The following NXPE2 variants were observed in gnomAD, a reference collection of about 807,000 sequenced individuals.
NXPE2 encodes NXPE family member 2.
NXPE2 carries 34 observed loss-of-function variants against 34.4 expected under a neutral mutation model. The ratio of observed to expected loss-of-function variants is 0.99; its 90% confidence interval spans 0.75 to 1.31. NXPE2 has a LOEUF of 1.31. Ranked by LOEUF, NXPE2 falls within the 40% of genes most tolerant of loss-of-function variation. NXPE2 has a pLI of 0.00. For synonymous variants in NXPE2, 235 were observed against 231.3 expected, an observed-to-expected ratio of 1.02 and a Z score of -0.15; for missense variants, 649 against 672.5, an observed-to-expected ratio of 0.97 and a Z score of 0.39.
At chr11:114,526,253 G>A in the NXPE2 span, among the ~76,000 whole-genome samples, 1 of 152,116 alleles carries the variant, frequency 6.6e-6, no homozygotes, top group African/African-American at 2.4e-5. Flanking sequence ...GACCAGCATT[G>A]GACATCTGGA....
the NXPE2 span, among the ~76,000 whole-genome samples, chr11:114,788,776 TTG>T: frequency 2.0e-5 from 3 of 152,232 alleles, no homozygotes; most frequent in Non-Finnish European, 4.4e-5. Context: ...TCACCCCTTC[TTG>T]TGTTTCCATA....
At chr11:114,747,232 A>T in the NXPE2 span, among the ~76,000 whole-genome samples, 1 of 152,118 alleles carries the variant, frequency 6.6e-6, no homozygotes, top group Admixed American at 6.6e-5. Context: ...CTTAATTTTT[A>T]TGTTCAATTA....
At chr11:114,775,627 G>A in the NXPE2 span, among the ~76,000 whole-genome samples, 1 of 152,250 alleles carries the variant, frequency 6.6e-6, no homozygotes, top group African/African-American at 2.4e-5. Flanking sequence ...GAATGAGTGA[G>A]TGAACGCAAG....
chr11:114,614,152 A>T, the NXPE2 span, among the ~76,000 whole-genome samples: 2 of 146,940 alleles, frequency 1.4e-5, no homozygotes, highest in African/African-American at 5.1e-5. Flanking sequence ...GTGCTGCCTC[A>T]TGGGTACCAA....
chr11:114,600,109 TA>T, the NXPE2 span, among the ~76,000 whole-genome samples: 1 of 152,150 alleles, frequency 6.6e-6, no homozygotes, highest in Non-Finnish European at 1.5e-5. Context: ...TAATGAATAC[TA>T]AAATCAGTGA....
the NXPE2 span, among the ~76,000 whole-genome samples, chr11:114,752,204 C>T: frequency 2.6e-5 from 4 of 152,192 alleles, no homozygotes; most frequent in Admixed American, 2.6e-4. Context: ...TATGAAGCCC[C>T]TGAGACAGGA....
At chr11:114,782,282 G>A in the NXPE2 span, among the ~76,000 whole-genome samples, 3 of 152,162 alleles carry the variant, frequency 2.0e-5, no homozygotes, top group Admixed American at 1.3e-4. Flanking sequence ...AGGCAGCTAG[G>A]CCCAAGGCCT....
the NXPE2 span, among the ~76,000 whole-genome samples, chr11:114,473,640 C>T: frequency 6.6e-6 from 1 of 152,170 alleles, no homozygotes; most frequent in Non-Finnish European, 1.5e-5. Context: ...TATACATTTA[C>T]TTACTGAATT....
the NXPE2 span, among the ~76,000 whole-genome samples, chr11:114,538,088 C>A: frequency 1.0e-3 from 159 of 152,206 alleles, 2 homozygotes; most frequent in East Asian, 0.029. Context: ...GAGATGTAGA[C>A]CAATGGAACA....
chr11:114,533,078 C>A, the NXPE2 span, among the ~76,000 whole-genome samples: 4 of 152,050 alleles, frequency 2.6e-5, no homozygotes, highest in East Asian at 5.8e-4. Context: ...CGTTAGAAGT[C>A]CTGAACAATA....
chr11:114,704,526 TG>T (rs1246798063), intron 4 of NXPE2, among the ~76,000 whole-genome samples: 2 of 152,228 alleles, frequency 1.3e-5, no homozygotes, highest in Non-Finnish European at 2.9e-5. Context: ...TGAACTTTAG[TG>T]GTCAACACAA....
chr11:114,722,142 C>A, the NXPE2 span, among the ~76,000 whole-genome samples: 2 of 152,102 alleles, frequency 1.3e-5, no homozygotes, highest in African/African-American at 4.8e-5. Context: ...CTCTGTGTCC[C>A]CACCCATATC....
At chr11:114,464,778 C>G in the NXPE2 span, among the ~76,000 whole-genome samples, 1 of 151,856 alleles carries the variant, frequency 6.6e-6, no homozygotes, top group Non-Finnish European at 1.5e-5. Context: ...AAGTCACAAA[C>G]TAGGCGAAGA....
At chr11:114,589,486 G>A in the NXPE2 span, among the ~76,000 whole-genome samples, 2 of 152,048 alleles carry the variant, frequency 1.3e-5, no homozygotes, top group Non-Finnish European at 2.9e-5. Context: ...AGGTGCAGTT[G>A]GGGGGACATA....
rs985584715 is a variant in NXPE2, at chr11:114,706,857, G to A, written c.1607G>A (p.Cys536Tyr). The change falls in exon 6 of 6, where the codon TGC becomes TAC. Residue 536 changes from cysteine (C) to tyrosine (Y), a missense_variant. Cys to Tyr is a radical substitution (Grantham distance 194). Coordinates refer to ENST00000389586, the MANE Select transcript of NXPE2 (RefSeq NM_182495.6). ...GCCTGGGACATGACGATTGCATATT[G>A]CACCAACAATGCCCATCCACCGGAT... ...IDAWDMTIAY[C>Y]TNNAHPPDYV... 4 of 1,551,818 alleles carry A rather than the reference G, an allele frequency of 2.6e-6. No homozygotes were observed. The highest frequency in any genetic ancestry group is 2.4e-5 in the South Asian group (2 of 84,062).
the NXPE2 span, among the ~76,000 whole-genome samples, chr11:114,622,779 T>C: frequency 2.2e-4 from 33 of 152,222 alleles, no homozygotes; most frequent in African/African-American, 6.7e-4. Context: ...GGGTAATCAC[T>C]GCTGCCTTGT....
At chr11:114,579,026 C>A in the NXPE2 span, among the ~76,000 whole-genome samples, 1 of 152,034 alleles carries the variant, frequency 6.6e-6, no homozygotes, top group Non-Finnish European at 1.5e-5. Context: ...ATACCTGAGG[C>A]TGGGTAATTT....
At chr11:114,572,392 A>C in the NXPE2 span, among the ~76,000 whole-genome samples, 2 of 152,224 alleles carry the variant, frequency 1.3e-5, no homozygotes, top group Non-Finnish European at 2.9e-5. Flanking sequence ...CAGGAAAAAT[A>C]ATTTAGAAGG....
At chr11:114,658,375 G>A in the NXPE2 span, among the ~76,000 whole-genome samples, 1,251 of 152,270 alleles carry the variant, frequency 8.2e-3, 18 homozygotes, top group African/African-American at 0.028. Flanking sequence ...GAGCACAGAC[G>A]TAAAGAGACT....
Sources: allele counts gnomAD v4.1 joint callset (sites outside exome capture counted in the v4.1 genomes callset), GRCh38; gene constraint gnomAD v4.1.1; transcripts MANE v1.5; gene names NCBI Gene and HGNC (gene_info 2026-07-23, HGNC 2026-07-21).